Variants in SLC4A10 observed in about 807,000 individuals in gnomAD.
SLC4A10 encodes the protein sodium-driven chloride bicarbonate exchanger.
In SLC4A10, 42 loss-of-function variants were observed where a neutral mutation model predicts 137.7. The observed-to-expected ratio is 0.30, with a 90% CI of 0.24 to 0.39. SLC4A10 has a LOEUF of 0.39. Among genes scored for constraint, SLC4A10 ranks in the 10% least tolerant of loss-of-function variants. The probability of loss-of-function intolerance (pLI) is 1.00; values close to 1 mark genes in which losing one functional copy is unlikely to be tolerated. For synonymous variants in SLC4A10, 474 were observed against 464.1 expected, an observed-to-expected ratio of 1.02 and a Z score of -0.27; for missense variants, 925 against 1,355.0, an observed-to-expected ratio of 0.68 and a Z score of 4.98.
rs568067833 is a variant in SLC4A10, at chr2:161,886,797, A to AT, written c.1194+4361dup. On this transcript the variant is annotated intron_variant, in intron 10 of 26. Transcript: ENST00000446997. The stretch of plus-strand genomic sequence containing the variant: ...CATCAATCTTAATTTTTTTTGTTTG[A>AT]TTTTTTTTGTATACTTTAAGTTCTG... Among the ~76,000 whole-genome samples, 392 of 151,626 alleles carry AT rather than the reference A, an allele frequency of 2.6e-3. 1 individual carries two copies. Among genetic ancestry groups the AT allele is most frequent in the Non-Finnish European group, 4.4e-3 (297 of 67,846 alleles).
In SLC4A10 at chr2:161,862,238, T is replaced by G. The variant is rs1167836278; in HGVS notation, c.578-636T>G. Among the ~76,000 whole-genome samples, 3 of 152,118 alleles carry G rather than the reference T, an allele frequency of 2.0e-5. No individual in the cohort carries two copies. In the East Asian group the frequency reaches 5.8e-4, roughly 29 times the overall value. ...TTTTAATCTAACATTCTCAAGGGAG[T>G]GTGTTTCCAGCAAAGTTTGAGAAAG... On this transcript the variant is annotated intron_variant, in intron 5 of 26. Transcript: ENST00000446997.
At chr2:161,790,300 T>C (rs2054061792) in intron 2 of SLC4A10, among the ~76,000 whole-genome samples, 1 of 152,172 alleles carries the variant, frequency 6.6e-6, no homozygotes, top group African/African-American at 2.4e-5. Context: ...GGAGACTACT[T>C]TTATTATAGC....
intron 3 of SLC4A10, among the ~76,000 whole-genome samples, chr2:161,827,202 A>C (rs757945286): frequency 9.9e-5 from 15 of 152,118 alleles, no homozygotes; most frequent in Non-Finnish European, 1.6e-4. Flanking sequence ...TTCTCTCTCA[A>C]GACTTTCATT....
intron 3 of SLC4A10, among the ~76,000 whole-genome samples, chr2:161,830,551 T>TA (rs975903849): frequency 4.0e-5 from 6 of 151,724 alleles, no homozygotes; most frequent in African/African-American, 9.7e-5. Flanking sequence ...TTTCTGTTTT[T>TA]AAAAAAAACC....
intron 1 of SLC4A10, among the ~76,000 whole-genome samples, chr2:161,763,461 T>C (rs1445068403): frequency 6.6e-6 from 1 of 152,102 alleles, no homozygotes; most frequent in Admixed American, 6.6e-5. Context: ...CGTATAAAGA[T>C]GTGGGCAGGA....
intron 1 of SLC4A10, among the ~76,000 whole-genome samples, chr2:161,698,939 G>C (rs954670522): frequency 6.6e-6 from 1 of 152,122 alleles, no homozygotes; most frequent in Non-Finnish European, 1.5e-5. Context: ...GTCTGGTCCT[G>C]TACTTTTTTT....
chr2:161,971,054 T>G (rs1259365846), intron 23 of SLC4A10, among the ~76,000 whole-genome samples: 1 of 152,246 alleles, frequency 6.6e-6, no homozygotes, highest in South Asian at 2.1e-4. Context: ...GTACTTTTCA[T>G]AATGATCACT....
In SLC4A10 at chr2:161,966,291, T is replaced by G. The variant is rs1249997191; in HGVS notation, c.3159+1118T>G. ...TAGAGATTCATCATGATGATGTGTC[T>G]TAATCCTGTAAGAATGTTTCAATTT... On this transcript the variant is annotated intron_variant, in intron 23 of 26. Coordinates refer to ENST00000446997, the MANE Select transcript of SLC4A10 (RefSeq NM_001178015.2). Among the ~76,000 whole-genome samples the G allele has an allele frequency of 2.0e-5, 3 of 152,194 alleles. No homozygotes were observed. In the South Asian group the frequency reaches 6.2e-4, roughly 32 times the overall value.
chr2:161,644,150 G>T (rs1187843068), intron 1 of SLC4A10, among the ~76,000 whole-genome samples: 1 of 149,380 alleles, frequency 6.7e-6, no homozygotes. Context: ...TATCTTAAGT[G>T]GTTTTAGATA....
chr2:161,639,965 T>C (rs1283931384), intron 1 of SLC4A10, among the ~76,000 whole-genome samples: 1 of 152,126 alleles, frequency 6.6e-6, no homozygotes, highest in African/African-American at 2.4e-5. Context: ...AGTAGCACTT[T>C]TATATGCCAA....
chr2:161,955,959 T>C (rs1191432698), intron 19 of SLC4A10, among the ~76,000 whole-genome samples: 1 of 151,902 alleles, frequency 6.6e-6, no homozygotes, highest in Non-Finnish European at 1.5e-5. Flanking sequence ...AATTTGTAAC[T>C]TTTATTGATT....
At chr2:161,895,005 T>C (rs10166001) in intron 11 of SLC4A10, among the ~76,000 whole-genome samples, 180 bp downstream of exon 11, 1 of 151,632 alleles carries the variant, frequency 6.6e-6, no homozygotes, top group Non-Finnish European at 1.5e-5. Flanking sequence ...GCTGGTGTGC[T>C]GCACCCATTA....
intron 1 of SLC4A10, among the ~76,000 whole-genome samples, chr2:161,665,788 G>T: frequency 6.6e-6 from 1 of 151,174 alleles, no homozygotes; most frequent in Non-Finnish European, 1.5e-5. Context: ...TGGTAATCTT[G>T]GAGGTAGCTA....
In SLC4A10 at chr2:161,965,186, T is replaced by A; in HGVS notation, c.3159+13T>A. On this transcript the variant is annotated intron_variant, in intron 23 of 26. Transcript: ENST00000446997. ...TGCTGAAAAAGAAGTAAGAGCAAAA[T>A]CAATGTTTTATAAAGAAAGAAAAAA... is the stretch of plus-strand genomic sequence containing the variant. 1 of 1,596,496 alleles carries A rather than the reference T, an allele frequency of 6.3e-7. No homozygotes were observed. The highest frequency in any genetic ancestry group is 8.5e-7 in the Non-Finnish European group (1 of 1,170,282).
chr2:161,766,208 C>T (rs1262140624), intron 1 of SLC4A10, among the ~76,000 whole-genome samples: 1 of 152,052 alleles, frequency 6.6e-6, no homozygotes, highest in Non-Finnish European at 1.5e-5. Flanking sequence ...GTCATTTTTA[C>T]TTGCAACTTG....
At chr2:161,841,898 G>A (rs937217109) in intron 4 of SLC4A10, among the ~76,000 whole-genome samples, 10 of 152,130 alleles carry the variant, frequency 6.6e-5, no homozygotes, top group South Asian at 2.1e-4. Context: ...CTAAATCTGC[G>A]TGTAAATATA....
At chr2:161,750,684 G>C (rs1232385213) in intron 1 of SLC4A10, among the ~76,000 whole-genome samples, 1 of 151,776 alleles carries the variant, frequency 6.6e-6, no homozygotes, top group Non-Finnish European at 1.5e-5. Context: ...GTTTGTGCTT[G>C]AGAAGAATGT....
At chr2:161,807,943 A>G (rs923462059) in intron 3 of SLC4A10, among the ~76,000 whole-genome samples, 2 of 152,122 alleles carry the variant, frequency 1.3e-5, no homozygotes, top group Admixed American at 1.3e-4. Context: ...TGAACATAAT[A>G]TCTATTTATT....
At chr2:161,957,307 T>C in intron 20 of SLC4A10, 67 bp downstream of exon 20, 1 of 1,514,054 alleles carries the variant, frequency 6.6e-7, no homozygotes. Context: ...AATTTTCATT[T>C]GAATCTGAGC....
Sources: allele counts gnomAD v4.1 joint callset (sites outside exome capture counted in the v4.1 genomes callset), GRCh38; gene constraint gnomAD v4.1.1; transcripts MANE v1.5; gene names NCBI Gene and HGNC (gene_info 2026-07-23, HGNC 2026-07-21).